The following MED27 variants were observed in gnomAD, a reference collection of about 807,000 sequenced individuals.
MED27 encodes mediator complex subunit 27.
A neutral mutation model predicts 38.2 loss-of-function variants in MED27; 30 were observed. The ratio of observed to expected loss-of-function variants is 0.79; its 90% confidence interval spans 0.59 to 1.07. The LOEUF is 1.07. MED27 is among the 50% of genes least tolerant of loss of function. MED27 has a pLI of 0.00. For missense variants in MED27, 289 were observed against 397.5 expected (o/e 0.73, Z 2.32); for synonymous variants, 122 against 153.5 (o/e 0.79, Z 1.52).
At chr9:131,911,073 A>AT (rs899569990) in intron 4 of MED27, among the ~76,000 whole-genome samples, 4 of 151,696 alleles carry the variant, frequency 2.6e-5, no homozygotes, top group Non-Finnish European at 5.9e-5. Flanking sequence ...TTTACAAGAG[A>AT]TTTTTTTTTC....
At chr9:132,054,948 C>T (rs1833544575) in intron 2 of MED27, among the ~76,000 whole-genome samples, 1 of 152,160 alleles carries the variant, frequency 6.6e-6, no homozygotes, top group African/African-American at 2.4e-5. Context: ...CTCCCCTGGT[C>T]TTCTCTAGGG....
Position 131,860,393 on chromosome 9 carries a change from G to T in MED27, c.*145C>A. ...AGAGGGAGTCTGCTCTTCAAGAGTG[G>T]CCTCTGCACACATGGCGCTGCTTTA... On this transcript the variant is annotated 3_prime_UTR_variant, in exon 8 of 8. Coordinates refer to ENST00000292035, the MANE Select transcript of MED27 (RefSeq NM_004269.4). The surrounding 1 kb of genome is among the most constrained non-coding windows in gnomAD (Gnocchi z 5.8). 1 of 900,346 alleles carries T rather than the reference G, an allele frequency of 1.1e-6. No homozygotes were observed. The allele number at this position is 900,346 out of a possible 1,614,324, so 55.8% of individuals were successfully genotyped here.
At chr9:131,935,989 C>T (rs1830676052) in intron 4 of MED27, among the ~76,000 whole-genome samples, 1 of 151,786 alleles carries the variant, frequency 6.6e-6, no homozygotes, top group African/African-American at 2.4e-5. Flanking sequence ...AAAAATTAGC[C>T]AGGCATGGTG....
Position 131,917,567 on chromosome 9 carries a change from C to T in MED27, c.573+21814G>A, listed in dbSNP as rs1255301022. 6.6e-6 allele frequency among the ~76,000 whole-genome samples: 1 copy of T among 151,600 alleles called. No homozygotes were observed. Among genetic ancestry groups the T allele is most frequent in the African/African-American group, 2.4e-5 (1 of 41,186 alleles). On this transcript the variant is annotated intron_variant, in intron 4 of 7. Coordinates refer to ENST00000292035, the MANE Select transcript of MED27 (RefSeq NM_004269.4). This position sits in a 1 kb window ranked among gnomAD's most constrained non-coding sequence, Gnocchi z 4.6. Reference sequence around the variant, plus strand: ...AGAGCAGTGAAGATGGGGTGGGGGGCTAGTGTGCAGGGACGAGGTAGGCTG... The same window carrying T: ...AGAGCAGTGAAGATGGGGTGGGGGGTTAGTGTGCAGGGACGAGGTAGGCTG...
chr9:132,022,273 AT>A (rs1254110800), intron 2 of MED27, among the ~76,000 whole-genome samples: 2 of 152,182 alleles, frequency 1.3e-5, no homozygotes, highest in Admixed American at 6.5e-5. Context: ...CAGAATCCTT[AT>A]CCATTTGCAT....
At chr9:131,869,587 G>GA (rs1222438730) in intron 6 of MED27, among the ~76,000 whole-genome samples, 1 of 152,126 alleles carries the variant, frequency 6.6e-6, no homozygotes, top group Non-Finnish European at 1.5e-5. Flanking sequence ...GTGCAGGTTT[G>GA]AAAAAAGGCT....
At chr9:131,877,915 G>A (rs1240595214) in intron 6 of MED27, among the ~76,000 whole-genome samples, 1 of 152,148 alleles carries the variant, frequency 6.6e-6, no homozygotes, top group Non-Finnish European at 1.5e-5. Context: ...AAAAGCACCT[G>A]GTGGCCACCG....
At chr9:131,898,049 C>T (rs1177800115) in intron 4 of MED27, among the ~76,000 whole-genome samples, 3 of 151,682 alleles carry the variant, frequency 2.0e-5, no homozygotes, top group African/African-American at 7.3e-5. Flanking sequence ...TAACATGCTG[C>T]TCCTTCCTCT....
chr9:131,908,132 G>C (rs1163152776), intron 4 of MED27, among the ~76,000 whole-genome samples: 1 of 106,636 alleles, frequency 9.4e-6, no homozygotes, highest in African/African-American at 2.7e-5. Context: ...GAGGTGGGGG[G>C]GTCAGCCCCC....
intron 3 of MED27, among the ~76,000 whole-genome samples, chr9:131,954,522 C>G (rs1003656491): frequency 2.0e-5 from 3 of 152,166 alleles, no homozygotes; most frequent in Admixed American, 6.5e-5. Context: ...GTGGCCTCAA[C>G]AAACCATTAA....
At position 131,924,250 on chromosome 9, in the gene MED27, T is replaced by A. The variant is rs1241065941; in HGVS notation, c.573+15131A>T. The stretch of plus-strand genomic sequence containing the variant: ...TTTACCAACAGAACCTGTTGTTATG[T>A]TTTTTTAATTTTTGCCAATCTGGTA... On this transcript the variant is annotated intron_variant, in intron 4 of 7. Coordinates refer to ENST00000292035, the MANE Select transcript of MED27 (RefSeq NM_004269.4). 3.3e-5 allele frequency among the ~76,000 whole-genome samples: 5 copies of A among 152,182 alleles called. No homozygotes were observed. The East Asian group carries it at 9.6e-4, about 29-fold the overall frequency.
At chr9:131,971,849 T>C (rs1036965697) in intron 3 of MED27, among the ~76,000 whole-genome samples, 1 of 152,232 alleles carries the variant, frequency 6.6e-6, no homozygotes, top group South Asian at 2.1e-4. Flanking sequence ...CAAAGGAGTC[T>C]GCATCTCTAA....
chr9:132,065,462 G>C (rs1306253536), intron 2 of MED27, among the ~76,000 whole-genome samples: 1 of 152,234 alleles, frequency 6.6e-6, no homozygotes, highest in African/African-American at 2.4e-5. Context: ...TGCAGGGGTG[G>C]TGCCTGTCTT....
intron 3 of MED27, among the ~76,000 whole-genome samples, chr9:131,957,108 T>C (rs1019399018): frequency 4.6e-5 from 7 of 152,292 alleles, no homozygotes; most frequent in Admixed American, 1.3e-4. Context: ...CAGAACAACT[T>C]TGGAAAGCTG....
At chr9:131,994,603 G>A (rs1230520384) in intron 3 of MED27, among the ~76,000 whole-genome samples, 1 of 152,180 alleles carries the variant, frequency 6.6e-6, no homozygotes, top group African/African-American at 2.4e-5. Flanking sequence ...TATCAGATGT[G>A]GCATCTTTGC....
Position 132,037,161 on chromosome 9 carries a change from C to T in MED27, c.349-22694G>A, listed in dbSNP as rs909848335. Among the ~76,000 whole-genome samples, 6 of 152,152 alleles carry T rather than the reference C, an allele frequency of 3.9e-5. No individual in the cohort carries two copies. The East Asian group carries it at 5.8e-4, about 15-fold the overall frequency. ...ATGCTGCTGCTAGGACTGAGGAGCG[C>T]GCCACACACAATCACGCTCACAGAC... is the stretch of plus-strand genomic sequence containing the variant. On this transcript the variant is annotated intron_variant, in intron 2 of 7. Transcript: ENST00000292035.
intron 2 of MED27, among the ~76,000 whole-genome samples, chr9:132,024,318 C>G (rs1832773889): frequency 6.6e-6 from 1 of 152,192 alleles, no homozygotes; most frequent in Admixed American, 6.5e-5. Context: ...TGTTGGCCTC[C>G]TTTTACAGAT....
In MED27 at chr9:131,883,825, CT is replaced by C. The variant is rs1464570707; in HGVS notation, c.723+232del. On this transcript the variant is annotated intron_variant, in intron 6 of 7. Coordinates refer to ENST00000292035, the MANE Select transcript of MED27 (RefSeq NM_004269.4). This position sits in a 1 kb window ranked among gnomAD's most constrained non-coding sequence, Gnocchi z 4.2. ...CACCACCCCACACTCCCTTGTGCCCCTTTGGGGCCAAGTCCCTGTACCCACC... is the reference window on the plus strand; with the variant it reads ...CACCACCCCACACTCCCTTGTGCCCCTTGGGGCCAAGTCCCTGTACCCACC... Among the ~76,000 whole-genome samples, 1 of 152,200 alleles carries C rather than the reference CT, an allele frequency of 6.6e-6. No individual in the cohort carries two copies. The highest frequency in any genetic ancestry group is 1.5e-5 in the Non-Finnish European group (1 of 68,038).
chr9:132,061,600 C>T (rs1025483385), intron 2 of MED27, among the ~76,000 whole-genome samples: 1 of 152,206 alleles, frequency 6.6e-6, no homozygotes, highest in Non-Finnish European at 1.5e-5. Flanking sequence ...ACAAATCACT[C>T]CTGCCATCAA....
Sources: gnomAD v4.1 joint callset for allele counts (sites outside exome capture counted in the v4.1 genomes callset) on GRCh38, gnomAD v4.1.1 for gene constraint, Gnocchi (gnomAD v3.1) non-coding constraint, MANE v1.5 for transcripts, NCBI Gene and HGNC (gene_info 2026-07-23, HGNC 2026-07-21) for gene names.